ESF1: variants seen among roughly 807,000 people sequenced by gnomAD.
The protein encoded by ESF1 is ESF1 nucleolar pre-rRNA processing protein.
Under a neutral mutation model 92.0 loss-of-function variants are expected in ESF1, and 58 were observed. That is an observed-to-expected ratio of 0.63 (90% CI 0.51 to 0.78). The LOEUF (loss-of-function observed/expected upper bound fraction) is 0.78. Ranked by LOEUF, ESF1 falls within the 30% of genes least tolerant of loss-of-function variation. ESF1 has a pLI of 0.00. For synonymous variants in ESF1, 321 were observed against 313.7 expected, an observed-to-expected ratio of 1.02 and a Z score of -0.24; for missense variants, 922 against 989.1, an observed-to-expected ratio of 0.93 and a Z score of 0.91.
chr20:13,760,486 C>A lies in ESF1; in HGVS notation c.1667-633G>T, dbSNP rs370907517. ...GTGAGGAGCGTCTCTGCCCGGCCGC[C>A]CCATCTGAGAAGTGAGGAGACCCTC... On this transcript the variant is annotated intron_variant, in intron 8 of 13. Coordinates refer to ENST00000617257, the MANE Select transcript of ESF1 (RefSeq NM_001276380.2). 1.4e-3 allele frequency among the ~76,000 whole-genome samples: 219 copies of A among 151,660 alleles called. 3 individuals are homozygous for A. The East Asian group carries it at 0.034, about 24-fold the overall frequency.
intron 7 of ESF1, among the ~76,000 whole-genome samples, chr20:13,768,897 C>CAAAAAAAA (rs574502122): frequency 1.7e-5 from 1 of 59,170 alleles, no homozygotes; most frequent in African/African-American, 6.7e-5. Context: ...ACTCTAGTCT[C>CAAAAAAAA]AAAAAAAAAA....
rs2049858388 is a variant in ESF1, at chr20:13,720,250, T to C, written c.2039-1266A>G. On this transcript the variant is annotated intron_variant, in intron 11 of 13. Transcript: ENST00000617257. ...AGAAACACCCAATACTGCCCTGCTG[T>C]GTTTCCTGGGCTAACTACCCATGAG... Among the ~76,000 whole-genome samples the C allele has an allele frequency of 3.3e-5, 5 of 152,272 alleles. No individual in the cohort carries two copies. In the South Asian group the frequency reaches 1.0e-3, roughly 32 times the overall value.
At chr20:13,767,321 G>A (rs1979475039) in intron 7 of ESF1, among the ~76,000 whole-genome samples, 1 of 152,176 alleles carries the variant, frequency 6.6e-6, no homozygotes, top group African/African-American at 2.4e-5. Context: ...GAGGTCAGGA[G>A]TTCAAGACCA....
At chr20:13,772,477 T>C in intron 5 of ESF1, 38 bp downstream of exon 5, 1 of 1,417,228 alleles carries the variant, frequency 7.1e-7, no homozygotes, top group Non-Finnish European at 1.0e-6. Flanking sequence ...GACATGAATT[T>C]ATGAGGTTTA....
intron 9 of ESF1, among the ~76,000 whole-genome samples, chr20:13,758,774 C>A (rs1165714271): frequency 2.6e-5 from 4 of 152,142 alleles, no homozygotes; most frequent in Admixed American, 6.5e-5. Context: ...CAGCAGTAAT[C>A]TATAAAAACA....
chr20:13,722,708 C>A, intron 11 of ESF1, among the ~76,000 whole-genome samples: 1 of 151,322 alleles, frequency 6.6e-6, no homozygotes, highest in South Asian at 2.1e-4. Flanking sequence ...TTAAATTAGC[C>A]AGGCATGGTG....
Position 13,748,663 on chromosome 20 carries a change from C to A in ESF1, c.1828+11029G>T, listed in dbSNP as rs1978447021. 2.7e-5 allele frequency among the ~76,000 whole-genome samples: 4 copies of A among 149,452 alleles called. No homozygotes were observed. The South Asian group carries it at 8.4e-4, about 32-fold the overall frequency. ...AGTGCAGTGGCGCGATCTTGGCTCA[C>A]TGCAACCTCCACTCCGAGGTTCACG... On this transcript the variant is annotated intron_variant, in intron 9 of 13. Coordinates refer to ENST00000617257, the MANE Select transcript of ESF1 (RefSeq NM_001276380.2).
At chr20:13,716,803 G>GTTTTTTTTT (rs2049829651) in intron 13 of ESF1, among the ~76,000 whole-genome samples, 1 of 58,462 alleles carries the variant, frequency 1.7e-5, no homozygotes, top group Non-Finnish European at 3.2e-5. Flanking sequence ...ACTATACCTG[G>GTTTTTTTTT]ATTTTTTTTT....
chr20:13,752,832 G>C (rs1398997381), intron 9 of ESF1, among the ~76,000 whole-genome samples: 2 of 152,140 alleles, frequency 1.3e-5, no homozygotes, highest in Non-Finnish European at 2.9e-5. Flanking sequence ...ACTGTGAAGA[G>C]TGGAGGAGGA....
At chr20:13,772,692 C>T in intron 4 of ESF1, 77 bp from the exon 5 acceptor site, 1 of 1,018,526 alleles carries the variant, frequency 9.8e-7, no homozygotes, top group East Asian at 2.4e-5. Flanking sequence ...AAGTCAGGAA[C>T]TCTAAAAGTC....
chr20:13,768,896 T>TAAA (rs1979552876), intron 7 of ESF1, among the ~76,000 whole-genome samples: 2 of 65,190 alleles, frequency 3.1e-5, no homozygotes, highest in African/African-American at 1.2e-4. Flanking sequence ...GACTCTAGTC[T>TAAA]CAAAAAAAAA....
At chr20:13,738,574 C>G (rs1351022642) in intron 9 of ESF1, among the ~76,000 whole-genome samples, 2 of 152,178 alleles carry the variant, frequency 1.3e-5, no homozygotes, top group African/African-American at 4.8e-5. Context: ...TTCAGCCTCC[C>G]AAAGTGCTGG....
Position 13,732,768 on chromosome 20 carries a change from T to C in ESF1, c.1950+953A>G, listed in dbSNP as rs1327019709. 2.6e-5 allele frequency among the ~76,000 whole-genome samples: 4 copies of C among 152,152 alleles called. No individual in the cohort carries two copies. The East Asian group carries it at 5.8e-4, about 22-fold the overall frequency. On this transcript the variant is annotated intron_variant, in intron 10 of 13. Transcript: ENST00000617257. Reference sequence around the variant, plus strand: ...TGCTGCATTTCAGTCACAAGAGCACTTTTAGTGGCAAAAACCTAAGTGATC... The same window carrying C: ...TGCTGCATTTCAGTCACAAGAGCACCTTTAGTGGCAAAAACCTAAGTGATC...
intron 5 of ESF1, 109 bp downstream of exon 5, chr20:13,772,406 C>T (rs1043530641): frequency 7.0e-5 from 54 of 774,350 alleles, no homozygotes; most frequent in African/African-American, 5.0e-4. Flanking sequence ...GTTTTAACCA[C>T]GAATGGCACA....
At chr20:13,784,528 G>C (rs1298181375) in intron 1 of ESF1, among the ~76,000 whole-genome samples, 1 of 152,118 alleles carries the variant, frequency 6.6e-6, no homozygotes. Context: ...ATCCGAGAGA[G>C]GGGAAGGCGA....
chr20:13,731,853 CCGAGAAA>C (rs1168864445), intron 10 of ESF1, among the ~76,000 whole-genome samples: 6 of 152,312 alleles, frequency 3.9e-5, no homozygotes, highest in Non-Finnish European at 7.3e-5. Context: ...CCATAAAAAC[CCGAGAAA>C]CGAGTTCACA....
chr20:13,722,656 C>T (rs2049875660), intron 11 of ESF1, among the ~76,000 whole-genome samples: 1 of 151,804 alleles, frequency 6.6e-6, no homozygotes, highest in Admixed American at 6.6e-5. Flanking sequence ...TTGAGACCAG[C>T]CTGAGCAACA....
intron 9 of ESF1, among the ~76,000 whole-genome samples, chr20:13,740,146 T>C (rs988589822): frequency 2.6e-5 from 4 of 152,182 alleles, no homozygotes; most frequent in Non-Finnish European, 4.4e-5. Flanking sequence ...TGGTGTTGGA[T>C]TGGAAGTGCC....
intron 9 of ESF1, among the ~76,000 whole-genome samples, chr20:13,753,483 T>TA (rs1978734320): frequency 6.6e-6 from 1 of 150,996 alleles, no homozygotes; most frequent in East Asian, 1.9e-4. Flanking sequence ...ATCTTTTTTG[T>TA]AAGCAAATTC....
Sources: gnomAD v4.1 joint callset for allele counts (sites outside exome capture counted in the v4.1 genomes callset) on GRCh38, gnomAD v4.1.1 for gene constraint, MANE v1.5 for transcripts, NCBI Gene and HGNC (gene_info 2026-07-23, HGNC 2026-07-21) for gene names.